The following LRP5 variants were observed in gnomAD, a reference collection of about 807,000 sequenced individuals.
LRP5 encodes low-density lipoprotein receptor-related protein 5.
LRP5 carries 62 observed loss-of-function variants against 154.1 expected under a neutral mutation model. That is an observed-to-expected ratio of 0.40 (90% CI 0.33 to 0.50). The LOEUF (loss-of-function observed/expected upper bound fraction) is 0.50. LRP5 is among the 20% of genes least tolerant of loss of function. The pLI, the probability that LRP5 is intolerant of heterozygous loss-of-function variation, is 0.55. For synonymous variants in LRP5, 966 were observed against 1,011.5 expected (o/e 0.96, Z 0.85); for missense variants, 1,915 against 2,336.7 (o/e 0.82, Z 3.72).
At chr11:68,315,153 C>T (rs1436172243) in intron 1 of LRP5, among the ~76,000 whole-genome samples, 1 of 152,122 alleles carries the variant, frequency 6.6e-6, no homozygotes. Flanking sequence ...TGTTTGACTT[C>T]GGGCACCATA....
intron 1 of LRP5, 101 bp from the exon 2 acceptor site, chr11:68,347,746 C>A: frequency 7.1e-7 from 1 of 1,401,106 alleles, no homozygotes; most frequent in Non-Finnish European, 1.0e-6. Flanking sequence ...TGGGCATGGG[C>A]AGGGCAGTAC....
At position 68,424,664 on chromosome 11, in the gene LRP5, G is replaced by A. The variant is rs1034420651; in HGVS notation, c.3237-438G>A. On this transcript the variant is annotated intron_variant, in intron 14 of 22. Coordinates refer to ENST00000294304, the MANE Select transcript of LRP5 (RefSeq NM_002335.4). The stretch of plus-strand genomic sequence containing the variant: ...TCACAGTTCCTGAGGGCTGAAGCCC[G>A]AGATCGAGGTGTGGGCAGGGCCCTG... Among the ~76,000 whole-genome samples the A allele has an allele frequency of 5.9e-5, 9 of 152,220 alleles. No homozygotes were observed. In the East Asian group the frequency reaches 7.7e-4, roughly 13 times the overall value.
chr11:68,393,938 G>A (rs897593864), intron 7 of LRP5, among the ~76,000 whole-genome samples: 2 of 152,112 alleles, frequency 1.3e-5, no homozygotes, highest in Admixed American at 6.6e-5. Flanking sequence ...TTTGAGATAC[G>A]TCGCACAGTC....
At chr11:68,348,805 G>A (rs2098615893) in intron 2 of LRP5, among the ~76,000 whole-genome samples, 1 of 152,142 alleles carries the variant, frequency 6.6e-6, no homozygotes, top group African/African-American at 2.4e-5. Flanking sequence ...TGAATCGGGT[G>A]TGATGGTATG....
chr11:68,351,370 C>T (rs932197448), intron 2 of LRP5, among the ~76,000 whole-genome samples: 2 of 152,162 alleles, frequency 1.3e-5, no homozygotes, highest in Admixed American at 1.3e-4. Flanking sequence ...CAGCCCTCTC[C>T]CCCTGCACTG....
chr11:68,382,605 G>A (rs1318110210), intron 5 of LRP5, among the ~76,000 whole-genome samples: 1 of 152,204 alleles, frequency 6.6e-6, no homozygotes, highest in African/African-American at 2.4e-5. Flanking sequence ...CTAGCAGCGG[G>A]TCCAGGGCCT....
intron 10 of LRP5, among the ~76,000 whole-genome samples, chr11:68,410,687 C>T (rs139268146): frequency 1.6e-4 from 25 of 152,290 alleles, no homozygotes; most frequent in Middle Eastern, 3.4e-3. Context: ...AGCTGCCAGG[C>T]GTCCTGGGGG....
chr11:68,403,647 C>T lies in LRP5; in HGVS notation c.1749C>T (p.Asp583=). ...KVKASRDVII[D]QLPDLMGLKA... is the part of the protein sequence containing the mutation. Reference sequence around the variant, plus strand: ...AGGCCAGCCGGGACGTCATCATTGACCAGCTGCCCGACCTGATGGGGCTCA... The same window carrying T: ...AGGCCAGCCGGGACGTCATCATTGATCAGCTGCCCGACCTGATGGGGCTCA... Residue 583 remains aspartate (D), a synonymous_variant, in exon 8 of 23, where the codon GAC becomes GAT. Coordinates refer to ENST00000294304, the MANE Select transcript of LRP5 (RefSeq NM_002335.4). 1 of 1,614,160 alleles carries T rather than the reference C, an allele frequency of 6.2e-7. No homozygotes were observed. Among genetic ancestry groups the T allele is most frequent in the Non-Finnish European group, 8.5e-7 (1 of 1,180,044 alleles).
intron 4 of LRP5, among the ~76,000 whole-genome samples, chr11:68,364,908 G>A (rs1480688800): frequency 7.5e-6 from 1 of 132,746 alleles, no homozygotes; most frequent in Non-Finnish European, 1.6e-5. Flanking sequence ...AGTTATATCC[G>A]TATTTTGGGG....
chr11:68,445,254 C>T (rs1307422423), intron 21 of LRP5, among the ~76,000 whole-genome samples: 1 of 152,094 alleles, frequency 6.6e-6, no homozygotes, highest in African/African-American at 2.4e-5. Flanking sequence ...TGCCCGCCAC[C>T]ACACCCGGCT....
At chr11:68,363,712 C>T (rs1400864625) in intron 3 of LRP5, 35 bp from the exon 4 acceptor site, 2 of 1,583,586 alleles carry the variant, frequency 1.3e-6, no homozygotes, top group African/African-American at 2.7e-5. Context: ...GGGGACCCTC[C>T]TGATGGCTCC....
rs1177484229 is a variant in LRP5 at position 68,363,758 on chromosome 11, T to A, written c.698T>A (p.Val233Glu). 11 of 1,610,526 alleles carry A rather than the reference T, an allele frequency of 6.8e-6. No homozygotes were observed. Among genetic ancestry groups the A allele is most frequent in the Non-Finnish European group, 8.5e-6 (10 of 1,179,074 alleles). ...TTCCCTGACTGCAGGCAGAAGGTGG[T>A]GGAGGGCAGCCTGACGCACCCCTTC... The part of the protein sequence containing the change: ...NLDGSFRQKV[V>E]EGSLTHPFAL... The change falls in exon 4 of 23, where the codon GTG (valine) becomes GAG (glutamate). Residue 233 changes from valine to glutamate, a missense_variant. Transcript: ENST00000294304.
At chr11:68,318,802 T>C (rs4988298) in intron 1 of LRP5, among the ~76,000 whole-genome samples, 9 of 152,154 alleles carry the variant, frequency 5.9e-5, no homozygotes, top group Non-Finnish European at 1.0e-4. Context: ...CTCCACCCCA[T>C]TGCAAGAATC....
At chr11:68,338,155 T>G (rs1389585405) in intron 1 of LRP5, among the ~76,000 whole-genome samples, 1 of 152,220 alleles carries the variant, frequency 6.6e-6, no homozygotes, top group Non-Finnish European at 1.5e-5. Flanking sequence ...CCTGACTGAT[T>G]AATCTCTAGC....
Position 68,416,187 on chromosome 11 carries a change from C to G in LRP5, c.2828-141C>G. On this transcript the variant is annotated intron_variant, in intron 12 of 22. Transcript: ENST00000294304. ...CCCATAGCGCACCCCCAAGAGACAG[C>G]CCTGGTCCCCCCGTCTTTCCCGTGG... The G allele has an allele frequency of 9.6e-6, 7 of 728,254 alleles. No individual in the cohort carries two copies. The South Asian group carries it at 1.0e-4, about 11-fold the overall frequency. 45.1% of individuals were successfully genotyped at this position (728,254 alleles called of 1,614,324 possible).
intron 17 of LRP5, among the ~76,000 whole-genome samples, chr11:68,432,681 G>T (rs2098672604): frequency 6.6e-6 from 1 of 152,214 alleles, no homozygotes; most frequent in Non-Finnish European, 1.5e-5. Context: ...ATCCCCTCCT[G>T]AGGCCAGCCT....
the LRP5 span, among the ~76,000 whole-genome samples, chr11:68,306,777 G>T: frequency 6.6e-6 from 1 of 152,198 alleles, no homozygotes; most frequent in Non-Finnish European, 1.5e-5. Flanking sequence ...ATGTGGGCCT[G>T]CCCAGGGCAT....
intron 1 of LRP5, among the ~76,000 whole-genome samples, chr11:68,321,067 T>G (rs1483562996): frequency 1.3e-5 from 2 of 149,070 alleles, no homozygotes; most frequent in South Asian, 2.1e-4. Context: ...GGTTTTTTTT[T>G]TTTTTTTTTT....
intron 5 of LRP5, among the ~76,000 whole-genome samples, chr11:68,381,591 G>T (rs776349396): frequency 6.6e-6 from 1 of 152,186 alleles, no homozygotes; most frequent in African/African-American, 2.4e-5. Flanking sequence ...TCAGCAGCCC[G>T]CCTGGAGGAG....
Sources: gnomAD v4.1 joint callset for allele counts (sites outside exome capture counted in the v4.1 genomes callset) on GRCh38, gnomAD v4.1.1 for gene constraint, MANE v1.5 for transcripts, NCBI Gene and HGNC (gene_info 2026-07-23, HGNC 2026-07-21) for gene names.